Variants in GPR89A observed in about 807,000 individuals in gnomAD.
The protein encoded by GPR89A is golgi pH regulator A, also known as G protein-coupled receptor 89A.
A neutral mutation model predicts 52.0 loss-of-function variants in GPR89A; 16 were observed. That is an observed-to-expected ratio of 0.31 (90% confidence interval 0.21 to 0.47). GPR89A has a LOEUF of 0.47. Among genes scored for constraint, GPR89A ranks in the 20% least tolerant of loss-of-function variants. The pLI, the probability that GPR89A is intolerant of heterozygous loss-of-function variation, is 1.00. For missense variants in GPR89A, 135 were observed against 449.4 expected (o/e 0.30, Z 6.33); for synonymous variants, 55 against 150.9 (o/e 0.36, Z 4.66).
At chr1:145,643,375 A>G (rs1248438539) in intron 7 of GPR89A, among the ~76,000 whole-genome samples, 2 of 151,554 alleles carry the variant, frequency 1.3e-5, no homozygotes, top group Non-Finnish European at 2.9e-5. Context: ...CATGTTGCCC[A>G]TGCTGGTCTT....
chr1:145,640,859 G>A (rs1456252014), intron 7 of GPR89A, among the ~76,000 whole-genome samples: 3 of 150,678 alleles, frequency 2.0e-5, no homozygotes, highest in Non-Finnish European at 4.4e-5. Context: ...CAAAAATGAT[G>A]AACATTTTAT....
chr1:145,662,790 A>AT (rs1232942061), intron 10 of GPR89A, among the ~76,000 whole-genome samples: 2 of 151,754 alleles, frequency 1.3e-5, no homozygotes. Context: ...ACGTGGTTGG[A>AT]TTTTAAACTA....
chr1:145,616,266 C>T lies in GPR89A; in HGVS notation c.75C>T (p.Phe25=). Residue 25 remains phenylalanine, a synonymous_variant, in exon 2 of 14, where the codon TTC becomes TTT. Transcript: ENST00000313835. The part of the protein sequence containing the change: ...ILFFGFGWLF[F]MRQLFKDYEI... ...TTTTTGGATTTGGGTGGCTTTTCTTCATGCGCCAATTGTTTAAAGACTATG... is the reference window on the plus strand; with the variant it reads ...TTTTTGGATTTGGGTGGCTTTTCTTTATGCGCCAATTGTTTAAAGACTATG... The T allele has an allele frequency of 1.2e-6, 2 of 1,611,108 alleles. No individual in the cohort carries two copies. The highest frequency in any genetic ancestry group is 1.3e-5 in the African/African-American group (1 of 74,228).
intron 7 of GPR89A, among the ~76,000 whole-genome samples, chr1:145,632,271 G>A (rs1489215012): frequency 2.4e-4 from 36 of 152,132 alleles, no homozygotes; most frequent in African/African-American, 8.4e-4. Context: ...TTTACTCTCA[G>A]TGATTTTGAA....
In GPR89A at chr1:145,645,554, T is replaced by C. The variant is rs2624750; in HGVS notation, c.728-630T>C. On this transcript the variant is annotated intron_variant, in intron 8 of 13. Coordinates refer to ENST00000313835, the MANE Select transcript of GPR89A (RefSeq NM_001097612.2). ...GTTCTTGGAAAATAACATAGTGTAA[T>C]GGAAAGAGCAGGCTTTGGAGGAAAA... The C allele has an allele frequency of 1.5e-3, 697 of 453,836 alleles. 2 individuals are homozygous for C. The highest frequency in any genetic ancestry group is 2.4e-3 in the Non-Finnish European group (543 of 226,650). 28.1% of individuals were successfully genotyped at this position (453,836 alleles called of 1,614,324 possible). A position where few individuals can be genotyped will look rare whatever the true frequency, so the allele number is the denominator to read the frequency against.
In GPR89A at chr1:145,642,446, G is replaced by A. The variant is rs1224716531; in HGVS notation, c.618-1423G>A. On this transcript the variant is annotated intron_variant, in intron 7 of 13. Coordinates refer to ENST00000313835, the MANE Select transcript of GPR89A (RefSeq NM_001097612.2). ...GTGAGTGATAGTAGATGTGTAGTTAGAAGAAAGGCAGAAAGAGCTAAAAGA... is the reference window on the plus strand; with the variant it reads ...GTGAGTGATAGTAGATGTGTAGTTAAAAGAAAGGCAGAAAGAGCTAAAAGA... Among the ~76,000 whole-genome samples, 5 of 150,444 alleles carry A rather than the reference G, an allele frequency of 3.3e-5. No homozygotes were observed. The East Asian group carries it at 5.9e-4, about 18-fold the overall frequency.
At chr1:145,637,183 A>C (rs1200301372) in intron 7 of GPR89A, among the ~76,000 whole-genome samples, 1 of 151,462 alleles carries the variant, frequency 6.6e-6, no homozygotes, top group Non-Finnish European at 1.5e-5. Flanking sequence ...CAGGTTGAAC[A>C]CACAGTTTGG....
chr1:145,645,481 C>A (rs1365060478), intron 8 of GPR89A: 1 of 414,722 alleles, frequency 2.4e-6, no homozygotes, highest in Non-Finnish European at 4.7e-6. Flanking sequence ...TTTAACCTCC[C>A]TGAGCCCCTG....
chr1:145,662,391 A>G (rs1395302607), intron 10 of GPR89A, among the ~76,000 whole-genome samples: 1 of 152,076 alleles, frequency 6.6e-6, no homozygotes, highest in Admixed American at 6.6e-5. Context: ...TTTGTCCGAC[A>G]TTAATATAGA....
chr1:145,619,984 C>T (rs1385842645), intron 3 of GPR89A, among the ~76,000 whole-genome samples: 2 of 151,810 alleles, frequency 1.3e-5, no homozygotes, highest in Non-Finnish European at 1.5e-5. Flanking sequence ...CACTGCACTC[C>T]AGCCTGGGCG....
intron 10 of GPR89A, among the ~76,000 whole-genome samples, chr1:145,647,488 A>C (rs1271503223): frequency 2.6e-5 from 4 of 151,942 alleles, no homozygotes; most frequent in African/African-American, 7.3e-5. Context: ...AGAAATTGTT[A>C]ATAAGGCCTT....
chr1:145,656,129 C>A (rs587627914), intron 10 of GPR89A, among the ~76,000 whole-genome samples: 3 of 152,130 alleles, frequency 2.0e-5, no homozygotes, highest in Non-Finnish European at 4.4e-5. Context: ...CTATTCTCCC[C>A]GGCACTGGCA....
chr1:145,660,937 C>G (rs1652150566), intron 10 of GPR89A, among the ~76,000 whole-genome samples: 1 of 151,712 alleles, frequency 6.6e-6, no homozygotes, highest in African/African-American at 2.4e-5. Context: ...ACCATTTGAC[C>G]CAGCCATCCC....
chr1:145,654,241 G>T (rs1412966415), intron 10 of GPR89A, among the ~76,000 whole-genome samples: 14 of 152,270 alleles, frequency 9.2e-5, no homozygotes, highest in African/African-American at 1.9e-4. Flanking sequence ...AGGAAATTCT[G>T]GGTTGGAAAT....
chr1:145,654,349 C>T (rs1179578871), intron 10 of GPR89A, among the ~76,000 whole-genome samples: 4 of 151,762 alleles, frequency 2.6e-5, no homozygotes, highest in African/African-American at 4.8e-5. Context: ...GTCAGAAGAT[C>T]GAGACCATCC....
chr1:145,633,923 G>T lies in GPR89A; in HGVS notation c.617+2179G>T, dbSNP rs1429390716. Among the ~76,000 whole-genome samples, 58 of 150,168 alleles carry T rather than the reference G, an allele frequency of 3.9e-4. 1 individual carries two copies. Among genetic ancestry groups the T allele is most frequent in the Admixed American group, 2.0e-4 (3 of 15,088 alleles). The stretch of plus-strand genomic sequence containing the variant: ...AATAGCTACAAGAAAAAATACTTAG[G>T]GATAAATTTGACCAAGGGGGAAGAA... On this transcript the variant is annotated intron_variant, in intron 7 of 13. Coordinates refer to ENST00000313835, the MANE Select transcript of GPR89A (RefSeq NM_001097612.2).
At chr1:145,645,796 C>T in intron 8 of GPR89A, 1 of 381,760 alleles carries the variant, frequency 2.6e-6, no homozygotes, top group South Asian at 2.0e-5. Flanking sequence ...TATTAGTTCC[C>T]TTTTCTAACA....
At chr1:145,617,550 C>G (rs1553687270) in intron 2 of GPR89A, among the ~76,000 whole-genome samples, 3 of 151,958 alleles carry the variant, frequency 2.0e-5, no homozygotes, top group African/African-American at 7.3e-5. Flanking sequence ...TAATAAATGT[C>G]CATGAAATCT....
At chr1:145,648,219 T>C (rs1651182098) in intron 10 of GPR89A, among the ~76,000 whole-genome samples, 1 of 151,704 alleles carries the variant, frequency 6.6e-6, no homozygotes, top group Non-Finnish European at 1.5e-5. Flanking sequence ...CTGATTTGAC[T>C]TCCTAGTTTG....
Sources: allele counts gnomAD v4.1 joint callset (sites outside exome capture counted in the v4.1 genomes callset), GRCh38; gene constraint gnomAD v4.1.1; transcripts MANE v1.5; gene names NCBI Gene and HGNC (gene_info 2026-07-23, HGNC 2026-07-21).